Variants in PAX5 observed in about 807,000 individuals in gnomAD.
PAX5 encodes the protein paired box 5, also known as paired box protein Pax-5.
In PAX5, 9 loss-of-function variants were observed where a neutral mutation model predicts 43.7. That is an observed-to-expected ratio of 0.21 (90% CI 0.12 to 0.36). The LOEUF (loss-of-function observed/expected upper bound fraction) is 0.36, where lower values mean the gene tolerates loss of function less well. Ranked by LOEUF, PAX5 falls within the 10% of genes least tolerant of loss-of-function variation. The pLI, the probability that PAX5 is intolerant of heterozygous loss-of-function variation, is 1.00. For missense variants in PAX5, 383 were observed against 532.7 expected, an observed-to-expected ratio of 0.72 and a Z score of 2.77; for synonymous variants, 228 against 214.3, an observed-to-expected ratio of 1.06 and a Z score of -0.56.
At chr9:36,949,903 C>T (rs546085790) in intron 6 of PAX5, among the ~76,000 whole-genome samples, 12 of 150,818 alleles carry the variant, frequency 8.0e-5, no homozygotes, top group Admixed American at 7.2e-4. Context: ...TGGCAGATTT[C>T]CCGTTCCTCG....
intron 5 of PAX5, among the ~76,000 whole-genome samples, chr9:36,998,829 G>A (rs1448083559): frequency 6.6e-6 from 1 of 152,144 alleles, no homozygotes; most frequent in African/African-American, 2.4e-5. Context: ...GCAAAAATAA[G>A]AGAAAATATA....
intron 8 of PAX5, among the ~76,000 whole-genome samples, chr9:36,869,642 C>T (rs1197484984): frequency 6.6e-6 from 1 of 152,232 alleles, no homozygotes. Flanking sequence ...CCTGGGCTTG[C>T]CTGTTACCAC....
At chr9:36,848,916 A>T (rs1165371695) in intron 8 of PAX5, among the ~76,000 whole-genome samples, 1 of 152,140 alleles carries the variant, frequency 6.6e-6, no homozygotes, top group African/African-American at 2.4e-5. Flanking sequence ...AACAGCTCCC[A>T]ATTCCTTCAT....
At chr9:36,872,164 T>G (rs1177705557) in intron 8 of PAX5, among the ~76,000 whole-genome samples, 2 of 152,146 alleles carry the variant, frequency 1.3e-5, no homozygotes, top group Admixed American at 1.3e-4. Context: ...GATCGAGACA[T>G]GGGAGCAGTG....
intron 8 of PAX5, among the ~76,000 whole-genome samples, chr9:36,860,166 A>T (rs1327828847): frequency 6.6e-6 from 1 of 151,698 alleles, no homozygotes; most frequent in Non-Finnish European, 1.5e-5. Context: ...GTGAAATCCT[A>T]TCTCTACTAA....
chr9:36,877,826 G>A (rs55732739), intron 8 of PAX5, among the ~76,000 whole-genome samples: 18,917 of 152,200 alleles, frequency 0.12, 1,188 homozygotes, highest in African/African-American at 0.14. Context: ...AGGAAAAAAG[G>A]GGTCTTTGCA....
At chr9:36,973,691 A>AC (rs1346379017) in intron 5 of PAX5, among the ~76,000 whole-genome samples, 47 of 151,356 alleles carry the variant, frequency 3.1e-4, no homozygotes, top group African/African-American at 1.1e-3. Flanking sequence ...ACATGGCGAG[A>AC]CCCCCATCTC....
intron 5 of PAX5, among the ~76,000 whole-genome samples, chr9:36,997,570 C>T (rs1417411046): frequency 6.6e-6 from 1 of 152,242 alleles, no homozygotes; most frequent in Non-Finnish European, 1.5e-5. Context: ...CTCCCTGCCA[C>T]CACCTCCTCT....
chr9:36,979,297 T>C lies in PAX5; in HGVS notation c.605-12573A>G, dbSNP rs147148219. On this transcript the variant is annotated intron_variant, in intron 5 of 9. Coordinates refer to ENST00000358127, the MANE Select transcript of PAX5 (RefSeq NM_016734.3). ...CCACCAAACACACACACAGGAATGG[T>C]GGATTTATGAGGGTGTGGAACTGAA... 8.3e-3 allele frequency among the ~76,000 whole-genome samples: 1,262 copies of C among 152,206 alleles called. 14 individuals are homozygous for C. Among genetic ancestry groups the C allele is most frequent in the African/African-American group, 0.029 (1,224 of 41,516 alleles).
At chr9:36,972,440 CCT>C (rs1471437354) in intron 5 of PAX5, among the ~76,000 whole-genome samples, 1 of 152,198 alleles carries the variant, frequency 6.6e-6, no homozygotes, top group Non-Finnish European at 1.5e-5. Context: ...ATTTCTAACC[CCT>C]TTCTCCACCA....
intron 5 of PAX5, among the ~76,000 whole-genome samples, chr9:36,980,610 G>T (rs921635490): frequency 6.6e-6 from 1 of 152,186 alleles, no homozygotes; most frequent in Non-Finnish European, 1.5e-5. Flanking sequence ...ACACAGAAGG[G>T]TTGGGGGAGG....
Position 36,852,504 on chromosome 9 carries a change from C to T in PAX5, c.1013-5575G>A, listed in dbSNP as rs549646832. Among the ~76,000 whole-genome samples, 10 of 152,288 alleles carry T rather than the reference C, an allele frequency of 6.6e-5. No individual in the cohort carries two copies. The South Asian group carries it at 1.5e-3, about 22-fold the overall frequency. On this transcript the variant is annotated intron_variant, in intron 8 of 9. Coordinates refer to ENST00000358127, the MANE Select transcript of PAX5 (RefSeq NM_016734.3). ...GGTAGCCTTCGGAGGAAAAAAATGA[C>T]GGCGAGACTAGAAACAGAACGCTGG...
chr9:37,007,070 A>T (rs531507912), intron 3 of PAX5, among the ~76,000 whole-genome samples: 1 of 152,210 alleles, frequency 6.6e-6, no homozygotes, highest in Non-Finnish European at 1.5e-5. Flanking sequence ...AAGGGAGGGG[A>T]TGTATATGTT....
intron 1 of PAX5, among the ~76,000 whole-genome samples, chr9:37,031,034 T>A (rs1285621915): frequency 1.3e-5 from 2 of 152,236 alleles, no homozygotes; most frequent in Non-Finnish European, 2.9e-5. Flanking sequence ...GACCTGAAAT[T>A]ATACAGCAAG....
At chr9:36,990,372 C>T (rs9408280) in intron 5 of PAX5, among the ~76,000 whole-genome samples, 151,248 of 152,298 alleles carry the variant, frequency 0.99, 75,109 homozygotes, top group East Asian at 1. Context: ...GTTTAAGGAA[C>T]GGAAAGAGGT....
intron 7 of PAX5, among the ~76,000 whole-genome samples, chr9:36,907,467 T>C (rs1050161546): frequency 3.9e-5 from 6 of 152,146 alleles, no homozygotes; most frequent in Non-Finnish European, 5.9e-5. Flanking sequence ...GGGCCTCCTG[T>C]GGATGCCAAG....
At chr9:36,897,659 T>C (rs1391640404) in intron 7 of PAX5, among the ~76,000 whole-genome samples, 2 of 152,226 alleles carry the variant, frequency 1.3e-5, no homozygotes, top group Non-Finnish European at 2.9e-5. Flanking sequence ...GGACCCAGCA[T>C]GGATCCTGAT....
chr9:36,973,473 T>C (rs1373413368), intron 5 of PAX5, among the ~76,000 whole-genome samples: 1 of 152,176 alleles, frequency 6.6e-6, no homozygotes, highest in Non-Finnish European at 1.5e-5. Context: ...TCCAATGAGC[T>C]TGGAATTGGC....
intron 9 of PAX5, among the ~76,000 whole-genome samples, chr9:36,846,614 C>T (rs1398476166): frequency 6.6e-6 from 1 of 152,170 alleles, no homozygotes; most frequent in Non-Finnish European, 1.5e-5. Flanking sequence ...TGCCATTTTT[C>T]CTAACCCACC....
Sources: gnomAD v4.1 joint callset for allele counts (sites outside exome capture counted in the v4.1 genomes callset) on GRCh38, gnomAD v4.1.1 for gene constraint, MANE v1.5 for transcripts, NCBI Gene and HGNC (gene_info 2026-07-23, HGNC 2026-07-21) for gene names.